Variants in KLHL20 observed in about 807,000 individuals in gnomAD.
KLHL20 encodes the protein kelch-like protein 20.
KLHL20 carries 29 observed loss-of-function variants against 69.5 expected under a neutral mutation model. The observed-to-expected ratio is 0.42, with a 90% confidence interval of 0.31 to 0.57. The LOEUF (loss-of-function observed/expected upper bound fraction) is 0.57, where lower values mean the gene tolerates loss of function less well. Among genes scored for constraint, KLHL20 ranks in the 20% least tolerant of loss-of-function variants. The pLI is 0.18. For missense variants in KLHL20, 419 were observed against 776.0 expected (o/e 0.54, Z 5.47); for synonymous variants, 253 against 265.2 (o/e 0.95, Z 0.45).
In KLHL20 at chr1:173,770,888, C is replaced by T. The variant is rs1202194826; in HGVS notation, c.1296-3417C>T. On this transcript the variant is annotated intron_variant, in intron 8 of 11. Coordinates refer to ENST00000209884, the MANE Select transcript of KLHL20 (RefSeq NM_014458.4). The stretch of plus-strand genomic sequence containing the variant: ...AAAAAGAAACTTTTTTGAAAGAATA[C>T]GCTATATCCTTCGAATATTGACCCA... Among the ~76,000 whole-genome samples the T allele has an allele frequency of 5.3e-5, 8 of 152,106 alleles. No individual in the cohort carries two copies. The East Asian group carries it at 9.7e-4, about 18-fold the overall frequency.
chr1:173,768,639 C>T (rs553504451), intron 8 of KLHL20, among the ~76,000 whole-genome samples: 1 of 152,198 alleles, frequency 6.6e-6, no homozygotes, highest in South Asian at 2.1e-4. Context: ...GATAGCAAAG[C>T]TAAAAACCTA....
In KLHL20 at chr1:173,786,409, G is replaced by A. The variant is rs1649205326; in HGVS notation, c.*1162G>A. The A allele has an allele frequency of 6.6e-6, 1 of 152,422 alleles. No individual in the cohort carries two copies. The highest frequency in any genetic ancestry group is 2.4e-5 in the African/African-American group (1 of 41,396). The allele number at this position is 152,422 out of a possible 1,614,324, so 9.4% of individuals were successfully genotyped here. On this transcript the variant is annotated 3_prime_UTR_variant, in exon 12 of 12. Transcript: ENST00000209884. The stretch of plus-strand genomic sequence containing the variant: ...TTTTAAGGAAAAAATAATTTCAATG[G>A]TTAAAGTTTTTTTTCCTCATTGTAT...
chr1:173,745,262 A>G (rs960370361), intron 3 of KLHL20, among the ~76,000 whole-genome samples: 2 of 145,916 alleles, frequency 1.4e-5, no homozygotes, highest in Non-Finnish European at 3.0e-5. Flanking sequence ...ACCTCCGTTC[A>G]AGCAATTCTC....
At chr1:173,738,129 T>C (rs1479690441) in intron 3 of KLHL20, among the ~76,000 whole-genome samples, 1 of 152,146 alleles carries the variant, frequency 6.6e-6, no homozygotes, top group African/African-American at 2.4e-5. Flanking sequence ...TAGGGTTTTC[T>C]AGGTATACAA....
At chr1:173,739,970 A>T (rs1454803556) in intron 3 of KLHL20, among the ~76,000 whole-genome samples, 2 of 150,580 alleles carry the variant, frequency 1.3e-5, no homozygotes, top group African/African-American at 4.9e-5. Flanking sequence ...GCTTATTTGG[A>T]TCTTCTCTCT....
intron 3 of KLHL20, among the ~76,000 whole-genome samples, chr1:173,744,707 T>A (rs1672976775): frequency 6.6e-6 from 1 of 152,200 alleles, no homozygotes; most frequent in Non-Finnish European, 1.5e-5. Flanking sequence ...TTTAAAAGCC[T>A]TTCTTTGCCC....
chr1:173,738,146 T>C (rs557178849), intron 3 of KLHL20, among the ~76,000 whole-genome samples: 2 of 152,208 alleles, frequency 1.3e-5, no homozygotes, highest in East Asian at 3.9e-4. Context: ...ACAATCATAT[T>C]GTCGGCAAAC....
chr1:173,771,454 A>G (rs1404620833), intron 8 of KLHL20, among the ~76,000 whole-genome samples: 3 of 152,058 alleles, frequency 2.0e-5, no homozygotes, highest in Non-Finnish European at 4.4e-5. Flanking sequence ...CTATGACTAA[A>G]TGAAGATTAA....
At position 173,727,947 on chromosome 1, in the gene KLHL20, C is replaced by A. The variant is rs577370127; in HGVS notation, c.24-5766C>A. Among the ~76,000 whole-genome samples, 4 of 147,902 alleles carry A rather than the reference C, an allele frequency of 2.7e-5. No homozygotes were observed. The South Asian group carries it at 8.7e-4, about 32-fold the overall frequency. On this transcript the variant is annotated intron_variant, in intron 2 of 11. Transcript: ENST00000209884. ...GACTACATGCTTCAATTAAAAGACA[C>A]AGACTGGCAAATTGGATAAAGAGTC...
chr1:173,760,163 A>T (rs1673734757), intron 7 of KLHL20, among the ~76,000 whole-genome samples: 1 of 152,166 alleles, frequency 6.6e-6, no homozygotes, highest in South Asian at 2.1e-4. Context: ...CCAATCCAAC[A>T]AAGACAAAGA....
intron 3 of KLHL20, among the ~76,000 whole-genome samples, chr1:173,737,334 C>G (rs1672583832): frequency 1.3e-5 from 2 of 152,192 alleles, no homozygotes; most frequent in South Asian, 4.1e-4. Context: ...ATGTTATCTT[C>G]TAGAATTTTT....
chr1:173,724,206 T>TA (rs1286744413), intron 2 of KLHL20, among the ~76,000 whole-genome samples: 1 of 151,144 alleles, frequency 6.6e-6, no homozygotes, highest in Non-Finnish European at 1.5e-5. Flanking sequence ...GGGGCCTCAC[T>TA]ATGTTGCCTA....
chr1:173,785,086 C>G (rs985059316), intron 11 of KLHL20, 77 bp from the exon 12 acceptor site: 3 of 1,109,298 alleles, frequency 2.7e-6, no homozygotes, highest in Non-Finnish European at 4.0e-6. Context: ...TTAATAACAT[C>G]TTAGTCGTAG....
At chr1:173,746,238 T>G (rs1347421371) in intron 3 of KLHL20, among the ~76,000 whole-genome samples, 3 of 152,206 alleles carry the variant, frequency 2.0e-5, no homozygotes, top group Non-Finnish European at 4.4e-5. Flanking sequence ...ATATTAGTCT[T>G]TAATTTCCTT....
chr1:173,722,883 C>T (rs112974759), intron 2 of KLHL20, among the ~76,000 whole-genome samples: 1,879 of 151,918 alleles, frequency 0.012, 39 homozygotes, highest in African/African-American at 0.041. Flanking sequence ...AGAGATGGAG[C>T]CTCACCATGT....
rs1673591834 is a variant in KLHL20, at chr1:173,757,259, C to A, written c.1151+100C>A. 5.1e-6 allele frequency: 6 copies of A among 1,168,614 alleles called. No individual in the cohort carries two copies. The East Asian group carries it at 1.5e-4, about 29-fold the overall frequency. 72.4% of individuals were successfully genotyped at this position (1,168,614 alleles called of 1,614,324 possible). ...TTGATTTAATGCTTTAGTATTGCAT[C>A]TGTGGCACTAGTTGGCAACCTAAAC... On this transcript the variant is annotated intron_variant, in intron 7 of 11. Coordinates refer to ENST00000209884, the MANE Select transcript of KLHL20 (RefSeq NM_014458.4).
Position 173,716,815 on chromosome 1 carries a change from A to G in KLHL20, c.23+749A>G, listed in dbSNP as rs1571838876. 2.0e-5 allele frequency among the ~76,000 whole-genome samples: 3 copies of G among 152,202 alleles called. No individual in the cohort carries two copies. The East Asian group carries it at 5.8e-4, about 29-fold the overall frequency. On this transcript the variant is annotated intron_variant, in intron 2 of 11. Transcript: ENST00000209884. ...ACTTCTGCAGTTCTTTTAAGAGAAG[A>G]AACATTTTATAATGGGAATATGACT...
intron 7 of KLHL20, among the ~76,000 whole-genome samples, chr1:173,759,959 A>G (rs1275666846): frequency 2.0e-5 from 3 of 152,242 alleles, no homozygotes; most frequent in East Asian, 3.8e-4. Flanking sequence ...GCCCAAGGCA[A>G]GGAAATCCAA....
chr1:173,740,229 C>T lies in KLHL20; in HGVS notation c.597+5943C>T, dbSNP rs1338190879. Among the ~76,000 whole-genome samples, 4 of 150,612 alleles carry T rather than the reference C, an allele frequency of 2.7e-5. No homozygotes were observed. In the East Asian group the frequency reaches 7.9e-4, roughly 30 times the overall value. ...CTCCGCCTTCTGGGTTCACGCCATT[C>T]TCCTGCCTCAGCCTCTCCAAGTAGC... On this transcript the variant is annotated intron_variant, in intron 3 of 11. Transcript: ENST00000209884.
Sources: gnomAD v4.1 joint callset for allele counts (sites outside exome capture counted in the v4.1 genomes callset) on GRCh38, gnomAD v4.1.1 for gene constraint, MANE v1.5 for transcripts, NCBI Gene and HGNC (gene_info 2026-07-23, HGNC 2026-07-21) for gene names.